Variants in SCRIB observed in about 807,000 individuals in gnomAD.
SCRIB encodes the protein protein scribble homolog.
A neutral mutation model predicts 170.0 loss-of-function variants in SCRIB; 72 were observed. The ratio of observed to expected loss-of-function variants is 0.42; its 90% CI spans 0.35 to 0.52. The LOEUF (loss-of-function observed/expected upper bound fraction) is 0.52. SCRIB is among the 20% of genes least tolerant of loss of function. The pLI, the probability that SCRIB is intolerant of heterozygous loss-of-function variation, is 0.02. For synonymous variants in SCRIB, 1,298 were observed against 1,044.3 expected (o/e 1.24, Z -4.68); for missense variants, 2,475 against 2,338.5 (o/e 1.06, Z -1.20).
At chr8:143,793,816 C>A in intron 28 of SCRIB, 84 bp downstream of exon 28, 2 of 1,401,002 alleles carry the variant, frequency 1.4e-6, no homozygotes, top group Non-Finnish European at 2.0e-6. Flanking sequence ...CCCCCCATCC[C>A]TGGAGGAGGG....
Position 143,804,669 on chromosome 8 carries a change from C to T in SCRIB, c.2908G>A (p.Ala970Thr). 1.3e-6 allele frequency: 2 copies of T among 1,550,902 alleles called. No homozygotes were observed. Among genetic ancestry groups the T allele is most frequent in the South Asian group, 1.2e-5 (1 of 81,512 alleles). The change falls in exon 21 of 37, where the codon GCC becomes ACC. Residue 970 changes from alanine to threonine, a missense_variant. By Grantham distance (58) the Ala-to-Thr change is moderately conservative. Coordinates refer to ENST00000356994, the MANE Select transcript of SCRIB (RefSeq NM_182706.5). ...PHSSPPTAAVATTSITTATPG... is the reference protein window; with the variant it reads ...PHSSPPTAAVTTTSITTATPG... Reference sequence around the variant, plus strand: ...GTGGCAGTGGTTATGCTGGTGGTGGCAACAGCAGCGGTGGGGGGTGAGGAA... The same window carrying T: ...GTGGCAGTGGTTATGCTGGTGGTGGTAACAGCAGCGGTGGGGGGTGAGGAA...
At chr8:143,794,402 C>T (rs1814851559) in intron 27 of SCRIB, among the ~76,000 whole-genome samples, 1 of 152,130 alleles carries the variant, frequency 6.6e-6, no homozygotes, top group Non-Finnish European at 1.5e-5. Context: ...AAGCCTCCCT[C>T]TTGGCGCTGC....
chr8:143,809,811 CT>C, intron 13 of SCRIB, 93 bp from the exon 14 acceptor site: 1 of 1,416,626 alleles, frequency 7.1e-7, no homozygotes, highest in South Asian at 1.3e-5. Context: ...CTTCCCTGAG[CT>C]TCCCGCTGCC....
chr8:143,815,294 C>G lies in SCRIB; in HGVS notation c.79G>C (p.Val27Leu). 5 of 1,594,272 alleles carry G rather than the reference C, an allele frequency of 3.1e-6. No individual in the cohort carries two copies. The highest frequency in any genetic ancestry group is 4.3e-6 in the Non-Finnish European group (5 of 1,173,222). ...CTGTAGCGGTAGATCTCCTCCGGCA[C>G]GGCCTGCAGCGAACAGTGCCGCTTG... ...VDKRHCSLQA[V>L]PEEIYRYSRS... The change falls in exon 1 of 37, where the codon GTG (valine) becomes CTG (leucine). Residue 27 changes from valine (V) to leucine (L), a missense_variant. Coordinates refer to ENST00000356994, the MANE Select transcript of SCRIB (RefSeq NM_182706.5).
chr8:143,792,495 G>C lies in SCRIB; in HGVS notation c.4318C>G (p.Pro1440Ala). The change falls in exon 31 of 37, where the codon CCC becomes GCC. Residue 1440 changes from proline to alanine, a missense_variant. Around this residue, in one of 3 missense-constraint regions of SCRIB, gnomAD observed 1,966 missense variants for 1,742.9 expected, o/e 1.13. Transcript: ENST00000356994. Reference protein sequence around the residue: ...DEQPPWASPSPTSRQSPASPP... With the variant: ...DEQPPWASPSATSRQSPASPP... ...TGGGCGGGTGCTCACCTTGAGGTGG[G>C]GCTCGGGCTGGCCCAGGGTGGCTGC... 6.5e-7 allele frequency: 1 copy of C among 1,544,952 alleles called. No homozygotes were observed. Among genetic ancestry groups the C allele is most frequent in the Non-Finnish European group, 8.7e-7 (1 of 1,150,972 alleles).
Position 143,812,259 on chromosome 8 carries a change from A to C in SCRIB, c.906+7T>G. On this transcript the variant is annotated splice_region_variant and intron_variant, in intron 9 of 36. Coordinates refer to ENST00000356994, the MANE Select transcript of SCRIB (RefSeq NM_182706.5). ...CCATCCTTTCTGCCTCCCAAGCCAG[A>C]CCCTACCATCAGCAGGTTCTCCGTG... is the stretch of plus-strand genomic sequence containing the variant. 1 of 1,580,190 alleles carries C rather than the reference A, an allele frequency of 6.3e-7. No individual in the cohort carries two copies. The highest frequency in any genetic ancestry group is 8.7e-7 in the Non-Finnish European group (1 of 1,149,386).
rs782365059 is a variant in SCRIB at position 143,793,881 on chromosome 8, G to T, written c.3909+19C>A. ...CCTCCACCCACCATGGGGCACACCC[G>T]TTAACTTGGGACACTCACCTGCTGG... On this transcript the variant is annotated intron_variant, in intron 28 of 36. Transcript: ENST00000356994. 20 of 1,612,022 alleles carry T rather than the reference G, an allele frequency of 1.2e-5. No homozygotes were observed. In the African/African-American group the frequency reaches 2.3e-4, roughly 18 times the overall value.
chr8:143,791,382 A>G lies in SCRIB; in HGVS notation c.4822+7T>C, dbSNP rs1554632588. The G allele has an allele frequency of 6.2e-7, 1 of 1,608,558 alleles. No homozygotes were observed. The highest frequency in any genetic ancestry group is 1.1e-5 in the South Asian group (1 of 90,160). On this transcript the variant is annotated splice_region_variant and intron_variant, in intron 36 of 36. Coordinates refer to ENST00000356994, the MANE Select transcript of SCRIB (RefSeq NM_182706.5). Reference sequence around the variant, plus strand: ...TGGGAGCTCACCCCAGCCCGGCCCCAACTCACCAGGGCTGGGAGATGGTTC... The same window carrying G: ...TGGGAGCTCACCCCAGCCCGGCCCCGACTCACCAGGGCTGGGAGATGGTTC...
chr8:143,815,493 C>A lies in SCRIB; in HGVS notation c.-121G>T. The A allele has an allele frequency of 1.0e-6, 1 of 1,000,372 alleles. No individual in the cohort carries two copies. Among genetic ancestry groups the A allele is most frequent in the Non-Finnish European group, 1.2e-6 (1 of 840,948 alleles). The allele number at this position is 1,000,372 out of a possible 1,614,324, so 62.0% of individuals were successfully genotyped here. A position where few individuals can be genotyped will look rare whatever the true frequency, so the allele number is the denominator to read the frequency against. Reference sequence around the variant, plus strand: ...GGGGCGCAGGCAGGGGGCGGGCCGCCCGAGACTGGACGGGGACGCGGCCGC... The same window carrying A: ...GGGGCGCAGGCAGGGGGCGGGCCGCACGAGACTGGACGGGGACGCGGCCGC... On this transcript the variant is annotated 5_prime_UTR_variant, in exon 1 of 37. Coordinates refer to ENST00000356994, the MANE Select transcript of SCRIB (RefSeq NM_182706.5).
chr8:143,793,806 C>A lies in SCRIB; in HGVS notation c.3909+94G>T, dbSNP rs574940024. On this transcript the variant is annotated intron_variant, in intron 28 of 36. Transcript: ENST00000356994. ...AACAGCACCCCACGATGGCCCCTGACCCCCCATCCCTGGAGGAGGGGCCCT... is the reference window on the plus strand; with the variant it reads ...AACAGCACCCCACGATGGCCCCTGAACCCCCATCCCTGGAGGAGGGGCCCT... 216 of 1,270,110 alleles carry A rather than the reference C, an allele frequency of 1.7e-4. 4 individuals are homozygous for A. The South Asian group carries it at 2.0e-3, about 12-fold the overall frequency. The allele number at this position is 1,270,110 out of a possible 1,614,324, so 78.7% of individuals were successfully genotyped here.
chr8:143,794,581 G>C (rs1814858982), intron 27 of SCRIB, among the ~76,000 whole-genome samples: 1 of 152,030 alleles, frequency 6.6e-6, no homozygotes. Flanking sequence ...CCCTCTGGGA[G>C]GGTTATTTGT....
rs780024632 is a variant in SCRIB, at chr8:143,813,938, G to C, written c.278-42C>G. 8 of 1,597,158 alleles carry C rather than the reference G, an allele frequency of 5.0e-6. 1 individual carries two copies. The Admixed American group carries it at 6.8e-5, about 14-fold the overall frequency. On this transcript the variant is annotated intron_variant, in intron 2 of 36. Coordinates refer to ENST00000356994, the MANE Select transcript of SCRIB (RefSeq NM_182706.5). ...CAGTGGACAGATGCCATGGCCTGCA[G>C]GCCGTCTGCAGCCCCAGCGGACACT...
At chr8:143,807,406 C>T (rs1471517622) in intron 16 of SCRIB, 146 bp downstream of exon 16, 3 of 767,808 alleles carry the variant, frequency 3.9e-6, no homozygotes, top group African/African-American at 3.4e-5. Flanking sequence ...CAGGAGGTGT[C>T]CTGATCCTGG....
chr8:143,793,972 T>C lies in SCRIB; in HGVS notation c.3847-10A>G, dbSNP rs200654191. 2.5e-6 allele frequency: 4 copies of C among 1,610,820 alleles called. No homozygotes were observed. In the African/African-American group the frequency reaches 4.0e-5, roughly 16 times the overall value. On this transcript the variant is annotated splice_polypyrimidine_tract_variant and intron_variant, in intron 27 of 36. Transcript: ENST00000356994. ...CTGCTCCAGACGGTACCTGGAGGAGTAGGCAGTGGGTGGGGTGAGGATGGG... is the reference window on the plus strand; with the variant it reads ...CTGCTCCAGACGGTACCTGGAGGAGCAGGCAGTGGGTGGGGTGAGGATGGG...
rs80112305 is a variant in SCRIB at position 143,797,446 on chromosome 8, G to A, written c.3604-1916C>T. 5.5e-3 allele frequency among the ~76,000 whole-genome samples: 844 copies of A among 152,228 alleles called. 6 individuals are homozygous for A. The highest frequency in any genetic ancestry group is 0.019 in the African/African-American group (791 of 41,514). Reference sequence around the variant, plus strand: ...AATGTCGCCAACCACCTCGGGGCCCGCTCAGAACCATCAAGGTGCTGAGGC... The same window carrying A: ...AATGTCGCCAACCACCTCGGGGCCCACTCAGAACCATCAAGGTGCTGAGGC... On this transcript the variant is annotated intron_variant, in intron 24 of 36. Coordinates refer to ENST00000356994, the MANE Select transcript of SCRIB (RefSeq NM_182706.5).
rs1431485208 is a variant in SCRIB at position 143,805,337 on chromosome 8, G to A, written c.2445C>T (p.Arg815=). ...TAVQMRVWRE[R]MVEPENAVTI... ...TGACCGCGTTCTCAGGCTCCACCAT[G>A]CGCTCCCGCCACACTCGCATCTGCA... Residue 815 remains arginine (R), a synonymous_variant, in exon 19 of 37, where the codon CGC becomes CGT. Transcript: ENST00000356994. 1.4e-5 allele frequency: 22 copies of A among 1,542,720 alleles called. No homozygotes were observed. Among genetic ancestry groups the A allele is most frequent in the Middle Eastern group, 1.7e-4 (1 of 6,012 alleles).
rs768601135 is a variant in SCRIB, at chr8:143,813,291, C to G, written c.567+20G>C. 15 of 1,613,158 alleles carry G rather than the reference C, an allele frequency of 9.3e-6. No homozygotes were observed. Among genetic ancestry groups the G allele is most frequent in the Non-Finnish European group, 1.1e-5 (13 of 1,179,906 alleles). The stretch of plus-strand genomic sequence containing the variant: ...CCGTGGCCCGCCCTCCGGTCTCTGC[C>G]CTGTCAGGCCTCCACGCACCAGCAC... On this transcript the variant is annotated intron_variant, in intron 6 of 36. Coordinates refer to ENST00000356994, the MANE Select transcript of SCRIB (RefSeq NM_182706.5).
At position 143,804,645 on chromosome 8, in the gene SCRIB, T is replaced by G; in HGVS notation, c.2932A>C (p.Thr978Pro). ...CTCGGCAACCCAGGCACCCCGGGGG[T>G]GGCAGTGGTTATGCTGGTGGTGGCA... ...AVATTSITTATPGVPGLPSLA... is the reference protein window; with the variant it reads ...AVATTSITTAPPGVPGLPSLA... The change falls in exon 21 of 37, where the codon ACC (threonine) becomes CCC (proline). Residue 978 changes from threonine to proline, a missense_variant. By Grantham distance (38) the Thr-to-Pro change is conservative. Around this residue, in one of 3 missense-constraint regions of SCRIB, gnomAD observed 1,966 missense variants for 1,742.9 expected, o/e 1.13. Transcript: ENST00000356994. 2 of 1,528,926 alleles carry G rather than the reference T, an allele frequency of 1.3e-6. No homozygotes were observed. Among genetic ancestry groups the G allele is most frequent in the Non-Finnish European group, 8.8e-7 (1 of 1,137,014 alleles). 94.7% of individuals were successfully genotyped at this position (1,528,926 alleles called of 1,614,324 possible). A position where few individuals can be genotyped will look rare whatever the true frequency, so the allele number is the denominator to read the frequency against.
chr8:143,802,438 C>T (rs1266872963), intron 24 of SCRIB, among the ~76,000 whole-genome samples: 2 of 152,214 alleles, frequency 1.3e-5, no homozygotes, highest in African/African-American at 2.4e-5. Flanking sequence ...ATCTGTGTGC[C>T]GGTGGGGAGT....
Sources: gnomAD v4.1 joint callset for allele counts (sites outside exome capture counted in the v4.1 genomes callset) on GRCh38, gnomAD v4.1.1 for gene constraint, gnomAD v4.1.1 regional missense constraint, MANE v1.5 for transcripts, NCBI Gene and HGNC (gene_info 2026-07-23, HGNC 2026-07-21) for gene names.